ARHGAP23: variants seen among roughly 807,000 people sequenced by gnomAD.
ARHGAP23 encodes Rho GTPase activating protein 23, also known as rho GTPase-activating protein 23.
A neutral mutation model predicts 136.3 loss-of-function variants in ARHGAP23; 34 were observed. The ratio of observed to expected loss-of-function variants is 0.25; its 90% confidence interval spans 0.19 to 0.33. The LOEUF is 0.33. ARHGAP23 is among the 10% of genes least tolerant of loss of function. ARHGAP23 has a pLI of 1.00. For missense variants in ARHGAP23, 1,808 were observed against 2,139.0 expected, an observed-to-expected ratio of 0.85 and a Z score of 3.05; for synonymous variants, 832 against 920.5, an observed-to-expected ratio of 0.90 and a Z score of 1.74.
chr17:38,431,895 G>A (rs1014146628), intron 1 of ARHGAP23, among the ~76,000 whole-genome samples: 3 of 152,190 alleles, frequency 2.0e-5, no homozygotes, highest in Non-Finnish European at 4.4e-5. Context: ...CCTCAGTGCA[G>A]GGTTCATGGA....
chr17:38,490,629 C>CTCCAGCAGGT (rs1163727422), intron 19 of ARHGAP23, 78 bp downstream of exon 19: 26 of 1,204,534 alleles, frequency 2.2e-5, no homozygotes, highest in Admixed American at 2.0e-5. Context: ...ACGCACTGAG[C>CTCCAGCAGGT]TCCAGCAGGT....
intron 6 of ARHGAP23, among the ~76,000 whole-genome samples, chr17:38,465,723 C>T (rs563585956): frequency 4.6e-5 from 7 of 152,222 alleles, no homozygotes; most frequent in African/African-American, 1.7e-4. Context: ...CAGCCTCTGC[C>T]CCACCCAGAC....
At chr17:38,441,262 C>T (rs572545558) in intron 1 of ARHGAP23, among the ~76,000 whole-genome samples, 4 of 152,366 alleles carry the variant, frequency 2.6e-5, no homozygotes, top group Non-Finnish European at 4.4e-5. Context: ...GCAGAGCTCC[C>T]GTGGGAGGGG....
chr17:38,455,616 C>T (rs995238793), intron 1 of ARHGAP23, among the ~76,000 whole-genome samples: 4 of 152,166 alleles, frequency 2.6e-5, no homozygotes, highest in African/African-American at 7.2e-5. Context: ...GTGGCTTGAA[C>T]CTTAATCCAG....
chr17:38,430,410 C>A (rs941985456), intron 1 of ARHGAP23, among the ~76,000 whole-genome samples: 2 of 152,010 alleles, frequency 1.3e-5, no homozygotes, highest in African/African-American at 4.8e-5. Flanking sequence ...GTGCTTGTGC[C>A]CCTCTCCTCG....
At chr17:38,505,800 C>T (rs982426707) in intron 23 of ARHGAP23, among the ~76,000 whole-genome samples, 3 of 152,130 alleles carry the variant, frequency 2.0e-5, no homozygotes, top group Admixed American at 6.5e-5. Flanking sequence ...TGGTGGTGCA[C>T]GCCTGTAATC....
At chr17:38,463,033 C>T in intron 4 of ARHGAP23, 85 bp from the exon 5 acceptor site, 2 of 1,527,272 alleles carry the variant, frequency 1.3e-6, no homozygotes, top group South Asian at 2.4e-5. Context: ...CCTGTCCCCA[C>T]AGTGTTAGCC....
At chr17:38,470,953 C>CT (rs1567804577) in intron 10 of ARHGAP23, among the ~76,000 whole-genome samples, 2 of 149,232 alleles carry the variant, frequency 1.3e-5, no homozygotes, top group Non-Finnish European at 3.0e-5. Flanking sequence ...CATGATTTTT[C>CT]TTTCTTTTTT....
chr17:38,439,543 T>C (rs1307331594), intron 1 of ARHGAP23, among the ~76,000 whole-genome samples: 1 of 152,226 alleles, frequency 6.6e-6, no homozygotes, highest in East Asian at 1.9e-4. Flanking sequence ...AATGGGAGTA[T>C]TGGTTATAGC....
At chr17:38,456,241 G>A (rs1026190131) in intron 1 of ARHGAP23, among the ~76,000 whole-genome samples, 6 of 152,122 alleles carry the variant, frequency 3.9e-5, no homozygotes, top group Admixed American at 2.0e-4. Context: ...AGACCTGCTC[G>A]ACAGCAGCCA....
chr17:38,486,031 G>C (rs1229431620), intron 16 of ARHGAP23, 31 bp from the exon 17 acceptor site: 2 of 1,546,218 alleles, frequency 1.3e-6, no homozygotes, highest in African/African-American at 2.7e-5. Context: ...GGCTGGGCCT[G>C]CCTGTGCCTG....
chr17:38,446,391 A>C (rs2039035592), intron 1 of ARHGAP23, among the ~76,000 whole-genome samples: 1 of 152,046 alleles, frequency 6.6e-6, no homozygotes, highest in Non-Finnish European at 1.5e-5. Flanking sequence ...ATTATATGTA[A>C]TACAATAATA....
Position 38,428,531 on chromosome 17 carries a change from G to T in ARHGAP23, c.46G>T (p.Glu16Ter). 1 of 1,454,634 alleles carries T rather than the reference G, an allele frequency of 6.9e-7. No individual in the cohort carries two copies. The highest frequency in any genetic ancestry group is 9.0e-7 in the Non-Finnish European group (1 of 1,106,924). The allele number at this position is 1,454,634 out of a possible 1,614,324, so 90.1% of individuals were successfully genotyped here. The change falls in exon 1 of 24, where the codon GAG becomes TAG. Residue 16 changes from glutamate (E) to a stop codon, truncating the protein, a stop_gained. Coordinates refer to ENST00000622683, the MANE Select transcript of ARHGAP23 (RefSeq NM_001199417.2). LOFTEE classifies it high-confidence loss of function. ...FCLVGIPPRP[E>*]PRPPQLPLGP... ...CCTGGTCGGGATCCCGCCCCGCCCGGAGCCCCGGCCCCCACAGGTGAGGGT... is the reference window on the plus strand; with the variant it reads ...CCTGGTCGGGATCCCGCCCCGCCCGTAGCCCCGGCCCCCACAGGTGAGGGT...
At chr17:38,428,383 G>A, upstream of ARHGAP23, 1 of 377,810 alleles carries the variant, frequency 2.6e-6, no homozygotes, top group Non-Finnish European at 4.3e-6. Flanking sequence ...CCCGGGGGGG[G>A]CCCCCCCACA....
intron 17 of ARHGAP23, among the ~76,000 whole-genome samples, chr17:38,488,577 T>TC (rs1357954808): frequency 1.3e-5 from 2 of 152,246 alleles, no homozygotes; most frequent in East Asian, 3.8e-4. Flanking sequence ...AGACAGAGTT[T>TC]CACTCTTGTC....
chr17:38,484,024 G>A (rs1438321165), intron 16 of ARHGAP23, among the ~76,000 whole-genome samples: 2 of 152,168 alleles, frequency 1.3e-5, no homozygotes, highest in Non-Finnish European at 2.9e-5. Flanking sequence ...GGACAGTAGG[G>A]AGCTTCTGAT....
At position 38,510,947 on chromosome 17, in the gene ARHGAP23, C is replaced by G; in HGVS notation, c.4451C>G (p.Ala1484Gly). The change falls in exon 24 of 24, where the codon GCC becomes GGC. Residue 1484 changes from alanine (A) to glycine (G), a missense_variant. By Grantham distance (60) the Ala-to-Gly change is moderately conservative. Transcript: ENST00000622683. This position sits in a 1 kb window ranked among gnomAD's most constrained non-coding sequence, Gnocchi z 4.6. ...LQSQPPRRSA[A>G]SRLHQCL ...AGCCAGCCCCCGCGCCGCTCGGCCG[C>G]CTCCCGCCTGCATCAGTGTCTGTGA... is the stretch of plus-strand genomic sequence containing the variant. 2.1e-6 allele frequency: 3 copies of G among 1,459,650 alleles called. No homozygotes were observed. The highest frequency in any genetic ancestry group is 2.7e-6 in the Non-Finnish European group (3 of 1,117,814). 90.4% of individuals were successfully genotyped at this position (1,459,650 alleles called of 1,614,324 possible).
At chr17:38,430,587 AAGAG>A (rs891379302) in intron 1 of ARHGAP23, among the ~76,000 whole-genome samples, 39 of 152,168 alleles carry the variant, frequency 2.6e-4, no homozygotes, top group Non-Finnish European at 5.4e-4. Context: ...GTAAGGTTAA[AAGAG>A]AGACTACAAA....
chr17:38,507,281 A>ATAAT (rs1567832890), intron 23 of ARHGAP23, among the ~76,000 whole-genome samples: 4 of 148,364 alleles, frequency 2.7e-5, no homozygotes, highest in African/African-American at 7.4e-5. Flanking sequence ...TCTCAAAATA[A>ATAAT]TAATAATAAT....
Sources: allele counts gnomAD v4.1 joint callset (sites outside exome capture counted in the v4.1 genomes callset), GRCh38; gene constraint gnomAD v4.1.1; non-coding constraint Gnocchi (gnomAD v3.1); transcripts MANE v1.5; gene names NCBI Gene and HGNC (gene_info 2026-07-23, HGNC 2026-07-21).